MPDZ: variants seen among roughly 807,000 people sequenced by gnomAD.
MPDZ encodes multiple PDZ domain protein.
Under a neutral mutation model 239.1 loss-of-function variants are expected in MPDZ, and 234 were observed. That is an observed-to-expected ratio of 0.98 (90% confidence interval 0.88 to 1.09). The LOEUF is 1.09. MPDZ is among the 50% of genes least tolerant of loss of function. The probability of loss-of-function intolerance (pLI) is 0.00; values close to 1 mark genes in which losing one functional copy is unlikely to be tolerated. For synonymous variants in MPDZ, 1,048 were observed against 881.3 expected, an observed-to-expected ratio of 1.19 and a Z score of -3.35; for missense variants, 3,175 against 2,510.0, an observed-to-expected ratio of 1.26 and a Z score of -5.66.
At chr9:13,160,780 T>G (rs1950361552) in intron 23 of MPDZ, among the ~76,000 whole-genome samples, 1 of 137,748 alleles carries the variant, frequency 7.3e-6, no homozygotes, top group Non-Finnish European at 1.5e-5. Flanking sequence ...AATAGATGGT[T>G]GCATCTGCAA....
intron 32 of MPDZ, among the ~76,000 whole-genome samples, chr9:13,133,474 T>C (rs1946300675): frequency 6.6e-6 from 1 of 152,188 alleles, no homozygotes; most frequent in Admixed American, 6.6e-5. Context: ...TATTTTTATT[T>C]CCTCCGTAGC....
At chr9:13,215,945 G>GTTTT (rs71331531) in intron 10 of MPDZ, among the ~76,000 whole-genome samples, 6 of 82,624 alleles carry the variant, frequency 7.3e-5, no homozygotes, top group African/African-American at 1.3e-4. Flanking sequence ...TCAGCAATTT[G>GTTTT]TTTTTTTTTT....
chr9:13,266,722 T>A (rs1750507663), intron 1 of MPDZ, among the ~76,000 whole-genome samples: 1 of 152,228 alleles, frequency 6.6e-6, no homozygotes, highest in Non-Finnish European at 1.5e-5. Flanking sequence ...TCATATTTCT[T>A]CAGCCATTAT....
At chr9:13,275,208 C>G (rs1392803750) in intron 1 of MPDZ, among the ~76,000 whole-genome samples, 4 of 152,214 alleles carry the variant, frequency 2.6e-5, no homozygotes, top group African/African-American at 9.6e-5. Context: ...TAAAAATTCA[C>G]AGGAAATCCT....
rs140287828 is a variant in MPDZ at position 13,135,641 on chromosome 9, A to G, written c.4383+451T>C. ...ATGATCTGACCCTGTCCCCTTTAAC[A>G]TTGACCCTTTCCCCACCAGCTTCCA... On this transcript the variant is annotated intron_variant, in intron 31 of 46. Coordinates refer to ENST00000319217, the MANE Select transcript of MPDZ (RefSeq NM_001378778.1). The G allele has an allele frequency of 1.1e-3, 173 of 153,062 alleles. 6 individuals carry two copies. The East Asian group carries it at 0.032, about 29-fold the overall frequency. 9.5% of individuals were successfully genotyped at this position (153,062 alleles called of 1,614,324 possible).
rs559241612 is a variant in MPDZ at position 13,206,785 on chromosome 9, G to A, written c.1291-686C>T. The stretch of plus-strand genomic sequence containing the variant: ...TCTCGATCTCTTGACCTCGTGATCT[G>A]CCCGCCTCGGCCTCCCAAAGTGCTG... On this transcript the variant is annotated intron_variant, in intron 10 of 46. Transcript: ENST00000319217. Among the ~76,000 whole-genome samples, 162 of 152,062 alleles carry A rather than the reference G, an allele frequency of 1.1e-3. 1 individual carries two copies. The South Asian group carries it at 0.018, about 17-fold the overall frequency.
chr9:13,140,506 T>TATAGATAG (rs566225012), intron 27 of MPDZ, among the ~76,000 whole-genome samples: 1 of 149,374 alleles, frequency 6.7e-6, no homozygotes, highest in African/African-American at 2.4e-5. Flanking sequence ...TATGTATATA[T>TATAGATAG]ATAGATAGAT....
At chr9:13,179,208 G>A (rs1049024616) in intron 19 of MPDZ, among the ~76,000 whole-genome samples, 1 of 152,008 alleles carries the variant, frequency 6.6e-6, no homozygotes, top group Admixed American at 6.6e-5. Flanking sequence ...ACAAGCCCAG[G>A]ATCTAAACAA....
chr9:13,231,430 G>A (rs971242564), intron 3 of MPDZ, among the ~76,000 whole-genome samples: 3 of 152,010 alleles, frequency 2.0e-5, no homozygotes, highest in African/African-American at 7.2e-5. Flanking sequence ...AGCTGAGCAT[G>A]GTTGTACGCA....
At chr9:13,120,751 T>C (rs1944223181) in intron 38 of MPDZ, 1 of 152,200 alleles carries the variant, frequency 6.6e-6, no homozygotes, top group African/African-American at 2.4e-5. Flanking sequence ...TTCTGAAGAA[T>C]GCCTATTTCC....
chr9:13,212,109 T>C (rs1053999933), intron 10 of MPDZ, among the ~76,000 whole-genome samples: 1 of 152,218 alleles, frequency 6.6e-6, no homozygotes, highest in South Asian at 2.1e-4. Context: ...AAAAGTGAAG[T>C]TTTATTTAGA....
At chr9:13,201,875 T>C (rs187287494) in intron 12 of MPDZ, among the ~76,000 whole-genome samples, 2 of 152,340 alleles carry the variant, frequency 1.3e-5, no homozygotes, top group African/African-American at 4.8e-5. Flanking sequence ...TTTTGTTTTC[T>C]ATCCATATTT....
At chr9:13,196,400 C>A (rs1353338235) in intron 12 of MPDZ, among the ~76,000 whole-genome samples, 170 bp from the exon 13 acceptor site, 2 of 152,066 alleles carry the variant, frequency 1.3e-5, no homozygotes, top group Admixed American at 1.3e-4. Flanking sequence ...AATTAAGAAC[C>A]CTATAATTTG....
chr9:13,264,751 A>G (rs1288191930), intron 1 of MPDZ, among the ~76,000 whole-genome samples: 1 of 152,038 alleles, frequency 6.6e-6, no homozygotes. Context: ...CTTTTCATTC[A>G]TAATGTTCCT....
intron 2 of MPDZ, among the ~76,000 whole-genome samples, chr9:13,248,467 T>A (rs963733294): frequency 1.3e-5 from 2 of 152,092 alleles, no homozygotes; most frequent in Non-Finnish European, 2.9e-5. Flanking sequence ...AGTCCTAGTG[T>A]CTTACAAGCA....
chr9:13,243,798 C>T (rs538055766), intron 3 of MPDZ, among the ~76,000 whole-genome samples: 2 of 152,028 alleles, frequency 1.3e-5, no homozygotes, highest in South Asian at 4.2e-4. Flanking sequence ...ATGTGTAAGC[C>T]TACACTTTTT....
At chr9:13,165,564 C>T in intron 22 of MPDZ, 1 of 708,702 alleles carries the variant, frequency 1.4e-6, no homozygotes, top group African/African-American at 1.8e-5. Flanking sequence ...ATCTACACCT[C>T]CCCCAGAAAA....
At chr9:13,258,081 G>C (rs774433939) in intron 1 of MPDZ, among the ~76,000 whole-genome samples, 1 of 152,132 alleles carries the variant, frequency 6.6e-6, no homozygotes, top group East Asian at 1.9e-4. Flanking sequence ...GGTAACACTA[G>C]TGTCAGAAGG....
intron 3 of MPDZ, among the ~76,000 whole-genome samples, chr9:13,243,736 G>A (rs1028402235): frequency 6.6e-6 from 1 of 152,104 alleles, no homozygotes; most frequent in East Asian, 1.9e-4. Context: ...AATTTCCAAA[G>A]AAAAGTCTGC....
Sources: gnomAD v4.1 joint callset for allele counts (sites outside exome capture counted in the v4.1 genomes callset) on GRCh38, gnomAD v4.1.1 for gene constraint, MANE v1.5 for transcripts, NCBI Gene and HGNC (gene_info 2026-07-23, HGNC 2026-07-21) for gene names.